HPSE2: variants seen among roughly 807,000 people sequenced by gnomAD.
The protein encoded by HPSE2 is heparanase 2 (inactive), also known as inactive heparanase-2.
Under a neutral mutation model 60.5 loss-of-function variants are expected in HPSE2, and 38 were observed. The ratio of observed to expected loss-of-function variants is 0.63; its 90% CI spans 0.48 to 0.82. The LOEUF (loss-of-function observed/expected upper bound fraction) is 0.82. Ranked by LOEUF, HPSE2 falls within the 40% of genes least tolerant of loss-of-function variation. The pLI is 0.00. For synonymous variants in HPSE2, 295 were observed against 293.2 expected (o/e 1.01, Z -0.06); for missense variants, 713 against 740.4 (o/e 0.96, Z 0.43).
chr10:99,197,250 T>C (rs1011787100), intron 2 of HPSE2, among the ~76,000 whole-genome samples: 11 of 151,722 alleles, frequency 7.3e-5, no homozygotes, highest in African/African-American at 2.7e-4. Context: ...GGCAGGGAGG[T>C]GAAGATGGTT....
intron 9 of HPSE2, among the ~76,000 whole-genome samples, chr10:98,566,160 G>GA (rs1441031139): frequency 6.6e-6 from 1 of 152,206 alleles, no homozygotes; most frequent in Non-Finnish European, 1.5e-5. Context: ...ACAACCCTGT[G>GA]AGGCGGTTAG....
chr10:98,954,371 G>T (rs1955450963), intron 3 of HPSE2, among the ~76,000 whole-genome samples: 1 of 152,112 alleles, frequency 6.6e-6, no homozygotes, highest in South Asian at 2.1e-4. Flanking sequence ...GCAGGAAAGT[G>T]AGGGGAAGTC....
At chr10:98,825,316 T>C (rs1951517239) in intron 3 of HPSE2, among the ~76,000 whole-genome samples, 1 of 151,224 alleles carries the variant, frequency 6.6e-6, no homozygotes, top group Admixed American at 6.6e-5. Flanking sequence ...CAAAATGTGA[T>C]AAACAAAGGC....
intron 3 of HPSE2, among the ~76,000 whole-genome samples, chr10:98,877,300 C>G (rs1425879609): frequency 6.6e-6 from 1 of 151,732 alleles, no homozygotes; most frequent in Admixed American, 6.6e-5. Flanking sequence ...TTTTAAATTT[C>G]TATTTTAATA....
chr10:98,772,424 A>G (rs1353047224), intron 3 of HPSE2, among the ~76,000 whole-genome samples: 1 of 152,188 alleles, frequency 6.6e-6, no homozygotes, highest in Admixed American at 6.5e-5. Flanking sequence ...GAACCCTTTG[A>G]CTGAAGACAT....
chr10:99,222,929 T>G (rs976395051), intron 2 of HPSE2, among the ~76,000 whole-genome samples: 4 of 152,218 alleles, frequency 2.6e-5, no homozygotes, highest in Admixed American at 1.3e-4. Context: ...ATTTTTTTAA[T>G]GCTCCACAAT....
At chr10:99,090,685 CTGTTA>C (rs1330728628) in intron 3 of HPSE2, among the ~76,000 whole-genome samples, 1 of 152,010 alleles carries the variant, frequency 6.6e-6, no homozygotes, top group Non-Finnish European at 1.5e-5. Flanking sequence ...ATTATTTCAT[CTGTTA>C]TAACATTATT....
chr10:99,273,435 T>C, the HPSE2 span, among the ~76,000 whole-genome samples: 1 of 152,108 alleles, frequency 6.6e-6, no homozygotes, highest in Admixed American at 6.6e-5. Flanking sequence ...TAAATAAAAT[T>C]TTTTTAGTTG....
intron 3 of HPSE2, among the ~76,000 whole-genome samples, chr10:98,889,833 C>T (rs796574485): frequency 2.6e-5 from 4 of 152,086 alleles, no homozygotes; most frequent in South Asian, 4.2e-4. Flanking sequence ...GAGTTTGGAA[C>T]GGAGGATGGG....
At chr10:98,932,281 G>A (rs1954662331) in intron 3 of HPSE2, among the ~76,000 whole-genome samples, 1 of 144,162 alleles carries the variant, frequency 6.9e-6, no homozygotes, top group Admixed American at 6.9e-5. Flanking sequence ...TTATTGATTT[G>A]CATATATTGA....
intron 3 of HPSE2, among the ~76,000 whole-genome samples, chr10:98,790,095 A>C (rs2134478784): frequency 6.6e-6 from 1 of 152,286 alleles, no homozygotes; most frequent in Non-Finnish European, 1.5e-5. Flanking sequence ...AACCAAGATA[A>C]AGTAATAGCA....
intron 9 of HPSE2, among the ~76,000 whole-genome samples, chr10:98,594,065 T>C (rs1945164112): frequency 6.6e-6 from 1 of 152,102 alleles, no homozygotes; most frequent in Non-Finnish European, 1.5e-5. Context: ...GCAACATGTT[T>C]TGAAATATGT....
At chr10:98,697,860 T>C (rs976220222) in intron 5 of HPSE2, among the ~76,000 whole-genome samples, 4 of 151,972 alleles carry the variant, frequency 2.6e-5, no homozygotes, top group African/African-American at 9.7e-5. Flanking sequence ...TATTCAACAT[T>C]CTTAAACCAA....
intron 3 of HPSE2, among the ~76,000 whole-genome samples, chr10:98,957,081 T>C (rs887769022): frequency 6.6e-6 from 1 of 152,214 alleles, no homozygotes; most frequent in Admixed American, 6.5e-5. Context: ...ACCAACATGT[T>C]CTGCAGCAAA....
upstream of HPSE2, among the ~76,000 whole-genome samples, chr10:99,240,206 A>G (rs1849916874): frequency 6.6e-6 from 1 of 152,060 alleles, no homozygotes; most frequent in Non-Finnish European, 1.5e-5. Flanking sequence ...AGAAAAGAAA[A>G]GGAAAAAAAG....
chr10:98,641,992 A>C, intron 6 of HPSE2, 52 bp from the exon 7 acceptor site: 1 of 1,438,396 alleles, frequency 7.0e-7, no homozygotes, highest in Non-Finnish European at 9.7e-7. Flanking sequence ...AAGGGATTAT[A>C]AATACACTTC....
At chr10:98,988,177 G>A (rs1273991393) in intron 3 of HPSE2, among the ~76,000 whole-genome samples, 14 of 152,142 alleles carry the variant, frequency 9.2e-5, no homozygotes, top group Admixed American at 2.6e-4. Flanking sequence ...AAAAGAGTCC[G>A]CATCACCAAG....
intron 3 of HPSE2, among the ~76,000 whole-genome samples, chr10:98,753,149 G>C (rs1207668420): frequency 6.6e-6 from 1 of 152,102 alleles, no homozygotes; most frequent in African/African-American, 2.4e-5. Context: ...GGCAACTATA[G>C]GTAATGATGA....
intron 1 of HPSE2, among the ~76,000 whole-genome samples, chr10:99,232,713 C>T (rs1849700917): frequency 6.6e-6 from 1 of 152,248 alleles, no homozygotes; most frequent in African/African-American, 2.4e-5. Flanking sequence ...GGGGCTGTGC[C>T]TCCCGCTTCC....
Sources: gnomAD v4.1 joint callset for allele counts (sites outside exome capture counted in the v4.1 genomes callset) on GRCh38, gnomAD v4.1.1 for gene constraint, MANE v1.5 for transcripts, NCBI Gene and HGNC (gene_info 2026-07-23, HGNC 2026-07-21) for gene names.